Variants in WNK3 observed in about 807,000 individuals in gnomAD.
WNK3 encodes the protein WNK lysine deficient protein kinase 3.
WNK3 carries 18 observed loss-of-function variants against 116.7 expected under a neutral mutation model. That is an observed-to-expected ratio of 0.15 (90% CI 0.11 to 0.23). The LOEUF is 0.23. Among genes scored for constraint, WNK3 ranks in the 10% least tolerant of loss-of-function variants. The probability of loss-of-function intolerance (pLI) is 1.00; values close to 1 mark genes in which losing one functional copy is unlikely to be tolerated. For synonymous variants in WNK3, 404 were observed against 469.4 expected (o/e 0.86, Z 1.80); for missense variants, 993 against 1,323.8 (o/e 0.75, Z 3.88).
intron 5 of WNK3, among the ~76,000 whole-genome samples, chrX:54,305,087 G>C (rs972432229): frequency 8.1e-5 from 9 of 110,578 alleles, no homozygotes; most frequent in African/African-American, 3.0e-4. Context: ...GGAGGCAGAG[G>C]TTGCAGTGAG....
chrX:54,312,373 A>G (rs782384808), intron 2 of WNK3, among the ~76,000 whole-genome samples: 1 of 111,553 alleles, frequency 9.0e-6, no homozygotes, highest in East Asian at 2.8e-4. Context: ...TTTTGTTATC[A>G]AAGTTGTACA....
At chrX:54,261,221 T>A (rs1240962615) in intron 10 of WNK3, among the ~76,000 whole-genome samples, 2 of 109,789 alleles carry the variant, frequency 1.8e-5, no homozygotes, top group Middle Eastern at 4.6e-3. Flanking sequence ...TACAGTGACC[T>A]ATGATTACAC....
chrX:54,317,449 G>A (rs184289858), intron 2 of WNK3, among the ~76,000 whole-genome samples: 2 of 109,468 alleles, frequency 1.8e-5, no homozygotes, highest in Admixed American at 2.0e-4. Context: ...GTGAGCCACC[G>A]CACCCGGCCA....
intron 21 of WNK3, among the ~76,000 whole-genome samples, chrX:54,229,558 G>C (rs1557148531): frequency 9.2e-6 from 1 of 109,244 alleles, no homozygotes; most frequent in Non-Finnish European, 1.9e-5. Flanking sequence ...AGCTAAAACA[G>C]TTTTGAAAAA....
intron 10 of WNK3, among the ~76,000 whole-genome samples, chrX:54,265,683 A>G (rs1207609686): frequency 1.8e-5 from 2 of 112,266 alleles, no homozygotes; most frequent in Non-Finnish European, 3.8e-5. Context: ...ACTGCTTCCT[A>G]CAATAAGAAA....
intron 21 of WNK3, among the ~76,000 whole-genome samples, chrX:54,232,018 A>T (rs1557149019): frequency 1.8e-5 from 2 of 108,284 alleles, no homozygotes; most frequent in East Asian, 2.9e-4. Flanking sequence ...TAAGAGCATG[A>T]GTGTATATAT....
At chrX:54,230,663 G>T (rs1173820424) in intron 21 of WNK3, among the ~76,000 whole-genome samples, 5 of 111,850 alleles carry the variant, frequency 4.5e-5, no homozygotes, top group African/African-American at 1.6e-4. Context: ...CTCATTTCTG[G>T]GTATTTCATC....
exon 8 of WNK3, chrX:54,294,758 C>T: frequency 8.3e-7 from 1 of 1,211,261 alleles, no homozygotes; most frequent in Non-Finnish European, 1.1e-6. Context: ...CAGGCTTCTT[C>T]TCTCTTGTCT....
intron 21 of WNK3, among the ~76,000 whole-genome samples, chrX:54,232,368 C>T (rs1557149160): frequency 1.8e-5 from 2 of 110,915 alleles, no homozygotes; most frequent in Admixed American, 1.9e-4. Context: ...TCTCGAACTC[C>T]TGACCTCAGG....
intron 4 of WNK3, 110 bp downstream of exon 4, chrX:54,308,985 C>A (rs912496968): frequency 1.9e-5 from 11 of 577,405 alleles, no homozygotes; most frequent in Non-Finnish European, 2.7e-6. Context: ...CAAAAACAGG[C>A]AGTGAGCCAC....
At chrX:54,236,486 T>C (rs1320841304) in intron 20 of WNK3, among the ~76,000 whole-genome samples, 1 of 110,970 alleles carries the variant, frequency 9.0e-6, no homozygotes, top group Non-Finnish European at 1.9e-5. Context: ...AGCATTCTAT[T>C]GACAAAATAT....
chrX:54,204,356 G>T (rs781933953), intron 22 of WNK3, among the ~76,000 whole-genome samples: 40 of 111,261 alleles, frequency 3.6e-4, no homozygotes, highest in Non-Finnish European at 7.2e-4. Flanking sequence ...GACCTCAAGT[G>T]ATCTGCCTGC....
Position 54,248,683 on chromosome X carries a change from AG to A in WNK3, c.3651+13del, listed in dbSNP as rs2068096587. ...GCAAAGAGTAAGGAATTGGTTAGAA[AG>A]AATGATACTTACATGTAAACACAAT... On this transcript the variant is annotated intron_variant, in intron 17 of 23. Transcript: ENST00000354646. 2 of 1,168,747 alleles carry A rather than the reference AG, an allele frequency of 1.7e-6. No homozygotes were observed. The highest frequency in any genetic ancestry group is 3.6e-5 in the African/African-American group (2 of 56,125).
intron 22 of WNK3, among the ~76,000 whole-genome samples, chrX:54,221,918 AG>A (rs1557146617): frequency 8.9e-6 from 1 of 111,886 alleles, no homozygotes; most frequent in Non-Finnish European, 1.9e-5. Context: ...ACACTTTGGG[AG>A]GCTGAGGCGG....
intron 2 of WNK3, among the ~76,000 whole-genome samples, chrX:54,328,100 A>G (rs782320179): frequency 5.4e-5 from 6 of 110,804 alleles, no homozygotes; most frequent in Non-Finnish European, 9.4e-5. Flanking sequence ...TATCAAATTG[A>G]TAAGACAAAA....
chrX:54,342,492 G>A (rs1313682526), intron 1 of WNK3, among the ~76,000 whole-genome samples: 2 of 106,531 alleles, frequency 1.9e-5, no homozygotes, highest in Non-Finnish European at 3.9e-5. Flanking sequence ...CTTGAACCCA[G>A]GAGGCAGAGG....
intron 22 of WNK3, among the ~76,000 whole-genome samples, chrX:54,218,570 T>TA (rs782541452): frequency 2.0e-3 from 156 of 77,856 alleles, no homozygotes; most frequent in African/African-American, 2.7e-3. Context: ...AAAAAAGAAT[T>TA]AAAAAAAAAA....
intron 10 of WNK3, among the ~76,000 whole-genome samples, chrX:54,274,801 T>G (rs1319767785): frequency 9.2e-6 from 1 of 108,849 alleles, no homozygotes; most frequent in African/African-American, 3.3e-5. Flanking sequence ...ACGCCAGGAG[T>G]TTGAGACCAG....
chrX:54,201,559 C>T lies in WNK3; in HGVS notation c.5073+432G>A, dbSNP rs1254811904. ...TGAAACACTGGACTGAATTAACCTT[C>T]ATTCCAGACGCTTTCTTCTTTGATA... On this transcript the variant is annotated intron_variant, in intron 23 of 23. Coordinates refer to ENST00000354646, the Ensembl canonical transcript of WNK3. Among the ~76,000 whole-genome samples, 4 of 112,159 alleles carry T rather than the reference C, an allele frequency of 3.6e-5. No homozygotes were observed. In the East Asian group the frequency reaches 1.1e-3, roughly 31 times the overall value.
Sources: allele counts gnomAD v4.1 joint callset (sites outside exome capture counted in the v4.1 genomes callset), GRCh38; gene constraint gnomAD v4.1.1; transcripts MANE v1.5; gene names NCBI Gene and HGNC (gene_info 2026-07-23, HGNC 2026-07-21).